Variants in SOX13 observed in about 807,000 individuals in gnomAD.
SOX13 encodes SRY-box transcription factor 13.
SOX13 carries 28 observed loss-of-function variants against 71.8 expected under a neutral mutation model. The observed-to-expected ratio is 0.39, with a 90% CI of 0.29 to 0.53. The LOEUF (loss-of-function observed/expected upper bound fraction) is 0.53, where lower values mean the gene tolerates loss of function less well. Among genes scored for constraint, SOX13 ranks in the 20% least tolerant of loss-of-function variants. SOX13 has a pLI of 0.70. For synonymous variants in SOX13, 309 were observed against 317.8 expected (o/e 0.97, Z 0.29); for missense variants, 627 against 810.3 (o/e 0.77, Z 2.75).
intron 6 of SOX13, 27 bp from the exon 7 acceptor site, chr1:204,117,566 A>G: frequency 6.8e-7 from 1 of 1,462,824 alleles, no homozygotes; most frequent in Non-Finnish European, 9.5e-7. Flanking sequence ...GTCCCTGGGG[A>G]CTCACACAGG....
Position 204,116,497 on chromosome 1 carries a change from T to G in SOX13, c.419-10T>G, listed in dbSNP as rs563700574. Reference sequence around the variant, plus strand: ...AAAGTCTCAATGGGGTCTGTTTCACTGTGGAGCAGGGACCCAAGAGAGCCT... The same window carrying G: ...AAAGTCTCAATGGGGTCTGTTTCACGGTGGAGCAGGGACCCAAGAGAGCCT... On this transcript the variant is annotated splice_polypyrimidine_tract_variant and intron_variant, in intron 4 of 13. Transcript: ENST00000367204. 6.2e-7 allele frequency: 1 copy of G among 1,613,422 alleles called. No homozygotes were observed. The highest frequency in any genetic ancestry group is 1.7e-5 in the Admixed American group (1 of 59,988).
At chr1:204,114,671 C>T in intron 4 of SOX13, 66 bp downstream of exon 4, 2 of 1,253,202 alleles carry the variant, frequency 1.6e-6, no homozygotes, top group South Asian at 2.4e-5. Context: ...TCTGGCCACG[C>T]AGCCTGGCTC....
Position 204,113,066 on chromosome 1 carries a change from C to T in SOX13, c.151C>T (p.Pro51Ser), listed in dbSNP as rs751091575. Reference protein sequence around the residue: ...ATAAEPQPGDPARASQDSADP... With the variant: ...ATAAEPQPGDSARASQDSADP... ...TGCCGCTGAACCTCAGCCTGGAGAC[C>T]CAGCCCGGGCCTCCCAGGATAGTGC... Residue 51 changes from proline to serine, a missense_variant, in exon 2 of 14, where the codon CCA becomes TCA. Coordinates refer to ENST00000367204, the MANE Select transcript of SOX13 (RefSeq NM_005686.3). 2.5e-6 allele frequency: 4 copies of T among 1,604,174 alleles called. No individual in the cohort carries two copies. Among genetic ancestry groups the T allele is most frequent in the Non-Finnish European group, 8.5e-7 (1 of 1,175,984 alleles).
intron 2 of SOX13, among the ~76,000 whole-genome samples, chr1:204,113,631 A>G (rs886983250): frequency 6.6e-6 from 1 of 152,160 alleles, no homozygotes; most frequent in African/African-American, 2.4e-5. Context: ...CACATATGAG[A>G]TGTAAAAAGG....
chr1:204,107,015 G>A (rs1449686032), intron 1 of SOX13, among the ~76,000 whole-genome samples: 1 of 152,158 alleles, frequency 6.6e-6, no homozygotes, highest in Admixed American at 6.5e-5. Context: ...CTTGCCCAAG[G>A]TTGCACAGCA....
In SOX13 at chr1:204,081,633, T is replaced by G. The variant is rs1342799711; in HGVS notation, c.-2+7922T>G. On this transcript the variant is annotated intron_variant, in intron 1 of 13. Coordinates refer to ENST00000367204, the MANE Select transcript of SOX13 (RefSeq NM_005686.3). The surrounding 1 kb of genome is among the most constrained non-coding windows in gnomAD (Gnocchi z 4.3). ...AGGGGAGCCTTGGCGTGAGCTGCCC[T>G]CACACTGACTTAAAAGCATTAACTC... Among the ~76,000 whole-genome samples, 4 of 152,160 alleles carry G rather than the reference T, an allele frequency of 2.6e-5. No individual in the cohort carries two copies. The highest frequency in any genetic ancestry group is 9.7e-5 in the African/African-American group (4 of 41,448).
intron 1 of SOX13, among the ~76,000 whole-genome samples, chr1:204,089,723 G>C (rs907686558): frequency 6.6e-6 from 1 of 152,188 alleles, no homozygotes; most frequent in African/African-American, 2.4e-5. Context: ...TCCCGGAAGA[G>C]AGGGCAGGGG....
rs1316492617 is a variant in SOX13, at chr1:204,116,404, T to C, written c.419-103T>C. ...CTCAGCCCCTAATGGTCCTGGGACA[T>C]AGCAATTGCTCAATAAGTTTCTGAT... is the stretch of plus-strand genomic sequence containing the variant. On this transcript the variant is annotated intron_variant, in intron 4 of 13. Coordinates refer to ENST00000367204, the MANE Select transcript of SOX13 (RefSeq NM_005686.3). 19 of 1,605,478 alleles carry C rather than the reference T, an allele frequency of 1.2e-5. No homozygotes were observed. The East Asian group carries it at 1.3e-4, about 11-fold the overall frequency.
intron 1 of SOX13, among the ~76,000 whole-genome samples, chr1:204,076,389 C>G (rs963303513): frequency 6.6e-5 from 10 of 152,110 alleles, no homozygotes; most frequent in African/African-American, 2.4e-4. Context: ...GAGCCCTGCT[C>G]CCTGGGTAGT....
Position 204,116,526 on chromosome 1 carries a change from A to T in SOX13, c.438A>T (p.Ala146=). 6.2e-7 allele frequency: 1 copy of T among 1,613,994 alleles called. No homozygotes were observed. Among genetic ancestry groups the T allele is most frequent in the Non-Finnish European group, 8.5e-7 (1 of 1,179,874 alleles). Reference sequence around the variant, plus strand: ...GAGCAGGGACCCAAGAGAGCCTAGCAGAGAAGGAGCTCCAGCTTCTGGTCA... The same window carrying T: ...GAGCAGGGACCCAAGAGAGCCTAGCTGAGAAGGAGCTCCAGCTTCTGGTCA... The part of the protein sequence containing the change: ...KDVKGTQESL[A]EKELQLLVMI... The change falls in exon 5 of 14, where the codon GCA becomes GCT. Residue 146 remains alanine, a synonymous_variant. Coordinates refer to ENST00000367204, the MANE Select transcript of SOX13 (RefSeq NM_005686.3).
intron 1 of SOX13, among the ~76,000 whole-genome samples, chr1:204,080,606 G>T (rs1166725351): frequency 6.6e-6 from 1 of 152,014 alleles, no homozygotes; most frequent in Non-Finnish European, 1.5e-5. Flanking sequence ...ACAAGATGGG[G>T]TGAGAACTAG....
intron 2 of SOX13, among the ~76,000 whole-genome samples, chr1:204,113,738 C>CCT: frequency 6.6e-6 from 1 of 152,018 alleles, no homozygotes; most frequent in South Asian, 2.1e-4. Flanking sequence ...GGTGGGGGCA[C>CCT]TGGTGATCAA....
chr1:204,077,374 A>G (rs1449401821), intron 1 of SOX13, among the ~76,000 whole-genome samples: 2 of 152,226 alleles, frequency 1.3e-5, no homozygotes, highest in African/African-American at 2.4e-5. Context: ...TTTGGGACAC[A>G]AGAAACGGTA....
intron 1 of SOX13, among the ~76,000 whole-genome samples, chr1:204,094,868 C>A (rs1055180265): frequency 6.6e-6 from 1 of 152,174 alleles, no homozygotes; most frequent in Admixed American, 6.5e-5. Flanking sequence ...GCCTGTCATT[C>A]ATTCATTGAA....
intron 7 of SOX13, among the ~76,000 whole-genome samples, chr1:204,120,430 G>T (rs1558221712): frequency 6.6e-6 from 1 of 152,266 alleles, no homozygotes; most frequent in Non-Finnish European, 1.5e-5. Flanking sequence ...GTTTGCTCCA[G>T]AAATTAAGCA....
At chr1:204,113,363 G>A (rs1320305160) in intron 2 of SOX13, among the ~76,000 whole-genome samples, 1 of 152,208 alleles carries the variant, frequency 6.6e-6, no homozygotes, top group African/African-American at 2.4e-5. Flanking sequence ...GTACTTACTC[G>A]CTTGATAGTG....
intron 13 of SOX13, among the ~76,000 whole-genome samples, chr1:204,125,322 T>A (rs990520863): frequency 1.3e-5 from 2 of 152,134 alleles, no homozygotes; most frequent in Non-Finnish European, 2.9e-5. Flanking sequence ...GCCAACACTT[T>A]GGGAGGCTGA....
At position 204,112,923 on chromosome 1, in the gene SOX13, T is replaced by C. The variant is rs555703913; in HGVS notation, c.8T>C (p.Met3Thr). 6.2e-7 allele frequency: 1 copy of C among 1,613,350 alleles called. No homozygotes were observed. Among genetic ancestry groups the C allele is most frequent in the East Asian group, 2.2e-5 (1 of 44,870 alleles). The change falls in exon 2 of 14, where the codon ATG (methionine) becomes ACG (threonine). Residue 3 changes from methionine (M) to threonine (T), a missense_variant. By Grantham distance (81) the Met-to-Thr change is moderately conservative. Coordinates refer to ENST00000367204, the MANE Select transcript of SOX13 (RefSeq NM_005686.3). MS[M>T]RSPISAQLAL... The stretch of plus-strand genomic sequence containing the variant: ...CTCTGTCCCTCCCCCAGGATGTCCA[T>C]GAGGAGCCCCATCTCTGCCCAGCTG...
intron 12 of SOX13, among the ~76,000 whole-genome samples, chr1:204,124,149 A>G (rs979567026): frequency 2.0e-5 from 3 of 152,182 alleles, no homozygotes; most frequent in Non-Finnish European, 4.4e-5. Flanking sequence ...TGTCACTAGA[A>G]AGATTTTTTT....
Sources: gnomAD v4.1 joint callset for allele counts (sites outside exome capture counted in the v4.1 genomes callset) on GRCh38, gnomAD v4.1.1 for gene constraint, Gnocchi (gnomAD v3.1) non-coding constraint, MANE v1.5 for transcripts, NCBI Gene and HGNC (gene_info 2026-07-23, HGNC 2026-07-21) for gene names.